The following MBD2 variants were observed in gnomAD, a reference collection of about 807,000 sequenced individuals.
MBD2 encodes the protein methyl-CpG-binding domain protein 2.
In MBD2, 9 loss-of-function variants were observed where a neutral mutation model predicts 39.3. That is an observed-to-expected ratio of 0.23 (90% CI 0.14 to 0.40). The LOEUF (loss-of-function observed/expected upper bound fraction) is 0.40, where lower values mean the gene tolerates loss of function less well. MBD2 is among the 10% of genes least tolerant of loss of function. The pLI is 1.00. For synonymous variants in MBD2, 233 were observed against 211.1 expected (o/e 1.10, Z -0.90); for missense variants, 458 against 532.6 (o/e 0.86, Z 1.38).
chr18:54,221,487 T>C (rs574039661), intron 1 of MBD2, among the ~76,000 whole-genome samples: 1 of 141,968 alleles, frequency 7.0e-6, no homozygotes, highest in South Asian at 2.2e-4. Flanking sequence ...TAAGTTTGTA[T>C]TTAAAAATTT....
At chr18:54,160,700 T>A (rs893021714) in intron 5 of MBD2, among the ~76,000 whole-genome samples, 2 of 146,576 alleles carry the variant, frequency 1.4e-5, no homozygotes, top group Non-Finnish European at 3.0e-5. Context: ...TGGTAAGAGA[T>A]AAATTCCTAA....
intron 3 of MBD2, among the ~76,000 whole-genome samples, chr18:54,174,208 C>T (rs1375842553): frequency 1.3e-5 from 2 of 152,174 alleles, no homozygotes; most frequent in African/African-American, 4.8e-5. Context: ...AAAAATATCT[C>T]TGGATATACC....
intron 3 of MBD2, among the ~76,000 whole-genome samples, chr18:54,175,789 C>T (rs1028097463): frequency 6.6e-6 from 1 of 152,174 alleles, no homozygotes; most frequent in African/African-American, 2.4e-5. Context: ...ATTCCTAGCT[C>T]AAGCCTCCCC....
rs1176938529 is a variant in MBD2, at chr18:54,153,753, A to G, written c.*1571T>C. 1 of 152,218 alleles carries G rather than the reference A, an allele frequency of 6.6e-6. No individual in the cohort carries two copies. The highest frequency in any genetic ancestry group is 1.5e-5 in the Non-Finnish European group (1 of 68,066). The allele number at this position is 152,218 out of a possible 1,614,324, so 9.4% of individuals were successfully genotyped here. On this transcript the variant is annotated 3_prime_UTR_variant, in exon 7 of 7. Transcript: ENST00000256429. ...ATGGGGCGGGCAGGCACCCTCTACC[A>G]ATTGGCTTCCCAGGGTCTACAAGTT...
In MBD2 at chr18:54,224,596, T is replaced by C; in HGVS notation, c.-37A>G. 1 of 1,210,432 alleles carries C rather than the reference T, an allele frequency of 8.3e-7. No homozygotes were observed. The highest frequency in any genetic ancestry group is 1.0e-6 in the Non-Finnish European group (1 of 970,484). The allele number at this position is 1,210,432 out of a possible 1,614,324, so 75.0% of individuals were successfully genotyped here. On this transcript the variant is annotated 5_prime_UTR_variant, in exon 1 of 7. Transcript: ENST00000256429. ...CCCAGCCGGCGCTGCGCTTCTTCCG[T>C]AACCGAGCCCTTGGAATCCCGGAGA...
At chr18:54,222,389 A>T (rs1267757140) in intron 1 of MBD2, 2 of 516,382 alleles carry the variant, frequency 3.9e-6, no homozygotes, top group Non-Finnish European at 7.7e-6. Flanking sequence ...CCACAGCCTG[A>T]GGGAGGACCT....
At position 54,201,812 on chromosome 18, in the gene MBD2, G is replaced by A. The variant is rs1010671713; in HGVS notation, c.702+3186C>T. Among the ~76,000 whole-genome samples, 6 of 149,720 alleles carry A rather than the reference G, an allele frequency of 4.0e-5. 1 individual carries two copies. The highest frequency in any genetic ancestry group is 1.5e-4 in the African/African-American group (6 of 40,602). ...TGGGAGGCAAAGCTTGCAGTAAGCT[G>A]AGATGGCACCACTGCACTCCAGCCT... On this transcript the variant is annotated intron_variant, in intron 2 of 6. Coordinates refer to ENST00000256429, the MANE Select transcript of MBD2 (RefSeq NM_003927.5).
chr18:54,219,791 G>GCACA (rs140807896), intron 1 of MBD2, among the ~76,000 whole-genome samples: 4 of 151,168 alleles, frequency 2.6e-5, no homozygotes, highest in Admixed American at 1.3e-4. Flanking sequence ...GCAACAAATG[G>GCACA]CACACACACA....
At chr18:54,223,972 A>G in intron 1 of MBD2, 46 bp downstream of exon 1, 4 of 1,289,540 alleles carry the variant, frequency 3.1e-6, no homozygotes, top group Non-Finnish European at 4.3e-6. Context: ...TTGACCCCTG[A>G]CCCCGGCCTG....
At chr18:54,196,225 A>G (rs2086365553) in intron 2 of MBD2, among the ~76,000 whole-genome samples, 1 of 152,200 alleles carries the variant, frequency 6.6e-6, no homozygotes. Context: ...CTAATATTCT[A>G]TATGGGTAAC....
chr18:54,181,812 T>A (rs1008694664), intron 3 of MBD2, among the ~76,000 whole-genome samples: 1 of 152,242 alleles, frequency 6.6e-6, no homozygotes. Context: ...AGTTATTGTA[T>A]GACCAGCATA....
intron 6 of MBD2, among the ~76,000 whole-genome samples, chr18:54,155,996 C>T (rs987764539): frequency 6.6e-6 from 1 of 152,064 alleles, no homozygotes. Flanking sequence ...AATAAACATC[C>T]ACCTTACTAA....
rs2086117545 is a variant in MBD2, at chr18:54,164,591, G to A, written c.1041C>T (p.Asn347=). Residue 347 remains asparagine (N), a synonymous_variant, in exon 5 of 7, where the codon AAC becomes AAT. Coordinates refer to ENST00000256429, the MANE Select transcript of MBD2 (RefSeq NM_003927.5). ...TGQVSAAVEK[N]PAVWLNTSQP... is the part of the protein sequence containing the mutation. The stretch of plus-strand genomic sequence containing the variant: ...GAGATGTGTTAAGCCAAACAGCAGG[G>A]TTCTTTTCCACAGCAGCGGAGACTT... 1.2e-6 allele frequency: 2 copies of A among 1,614,170 alleles called. No homozygotes were observed. Among genetic ancestry groups the A allele is most frequent in the Non-Finnish European group, 1.7e-6 (2 of 1,180,026 alleles).
At chr18:54,192,128 C>T (rs1046696351) in intron 2 of MBD2, among the ~76,000 whole-genome samples, 2 of 152,188 alleles carry the variant, frequency 1.3e-5, no homozygotes, top group Admixed American at 6.5e-5. Context: ...CAACAGTAGA[C>T]AATATTCAAT....
rs556342086 is a variant in MBD2, at chr18:54,215,473, C to G, written c.542+8545G>C. Among the ~76,000 whole-genome samples, 490 of 151,002 alleles carry G rather than the reference C, an allele frequency of 3.2e-3. 2 individuals are homozygous for G. The highest frequency in any genetic ancestry group is 5.2e-3 in the Non-Finnish European group (353 of 67,806). On this transcript the variant is annotated intron_variant, in intron 1 of 6. Coordinates refer to ENST00000256429, the MANE Select transcript of MBD2 (RefSeq NM_003927.5). ...ATAGCCTCCCAAGATGATACAAAAG[C>G]AATTTCTGAGGATAGATTTTTTTTT...
chr18:54,175,013 CAGT>C (rs1205170372), intron 3 of MBD2, among the ~76,000 whole-genome samples: 1 of 152,212 alleles, frequency 6.6e-6, no homozygotes, highest in Admixed American at 6.5e-5. Flanking sequence ...AGGTAGCTAT[CAGT>C]AGGTCTGGCT....
Position 54,164,674 on chromosome 18 carries a change from T to C in MBD2, c.958A>G (p.Thr320Ala), listed in dbSNP as rs746826101. 19 of 1,611,750 alleles carry C rather than the reference T, an allele frequency of 1.2e-5. No individual in the cohort carries two copies. Among genetic ancestry groups the C allele is most frequent in the Non-Finnish European group, 1.6e-5 (19 of 1,177,998 alleles). Reference sequence around the variant, plus strand: ...GCACTGGCAACAGCAGATAAAAGGGTCTCATCATTGCTACCTGGACCAACT... The same window carrying C: ...GCACTGGCAACAGCAGATAAAAGGGCCTCATCATTGCTACCTGGACCAACT... The part of the protein sequence containing the change: ...QGVGPGSNDE[T>A]LLSAVASALH... Residue 320 changes from threonine to alanine, a missense_variant, in exon 5 of 7, where the codon ACC becomes GCC. Coordinates refer to ENST00000256429, the MANE Select transcript of MBD2 (RefSeq NM_003927.5).
chr18:54,180,972 CTG>C (rs2086248344), intron 3 of MBD2, among the ~76,000 whole-genome samples: 1 of 141,804 alleles, frequency 7.1e-6, no homozygotes, highest in Non-Finnish European at 1.5e-5. Flanking sequence ...TCTCGGCTCA[CTG>C]CAACCACTGC....
At chr18:54,217,299 G>A (rs1048446435) in intron 1 of MBD2, among the ~76,000 whole-genome samples, 3 of 152,128 alleles carry the variant, frequency 2.0e-5, no homozygotes, top group African/African-American at 7.2e-5. Flanking sequence ...AAGACAGGAT[G>A]AAATCATGAA....
Sources: gnomAD v4.1 joint callset for allele counts (sites outside exome capture counted in the v4.1 genomes callset) on GRCh38, gnomAD v4.1.1 for gene constraint, MANE v1.5 for transcripts, NCBI Gene and HGNC (gene_info 2026-07-23, HGNC 2026-07-21) for gene names.